ART3: variants seen among roughly 807,000 people sequenced by gnomAD.
ART3 encodes the protein ADP-ribosyltransferase 3 (inactive).
ART3 carries 49 observed loss-of-function variants against 48.5 expected under a neutral mutation model. The observed-to-expected ratio is 1.01, with a 90% CI of 0.80 to 1.28. ART3 has a LOEUF of 1.28. Among genes scored for constraint, ART3 ranks in the 50% most tolerant of loss-of-function variants. The pLI is 0.00. For missense variants in ART3, 438 were observed against 454.3 expected, an observed-to-expected ratio of 0.96 and a Z score of 0.33; for synonymous variants, 145 against 157.2, an observed-to-expected ratio of 0.92 and a Z score of 0.58.
chr4:76,086,940 T>G (rs537916744), intron 3 of ART3, among the ~76,000 whole-genome samples: 49 of 152,126 alleles, frequency 3.2e-4, no homozygotes, highest in Admixed American at 8.5e-4. Context: ...AACCAGGGTC[T>G]CCCTCCCTCC....
intron 1 of ART3, among the ~76,000 whole-genome samples, chr4:76,055,393 A>C (rs1718591456): frequency 6.6e-6 from 1 of 152,238 alleles, no homozygotes; most frequent in Non-Finnish European, 1.5e-5. Flanking sequence ...TTCTGTAAGA[A>C]GGGGCACTGT....
chr4:76,112,304 AC>A (rs1729644375), intron 11 of ART3, 81 bp from the exon 12 acceptor site: 11 of 1,470,510 alleles, frequency 7.5e-6, no homozygotes, highest in Non-Finnish European at 9.1e-6. Flanking sequence ...GTCATTGTTT[AC>A]ATATTCAGGA....
intron 3 of ART3, among the ~76,000 whole-genome samples, chr4:76,085,273 C>A (rs1723310279): frequency 6.6e-6 from 1 of 152,132 alleles, no homozygotes; most frequent in South Asian, 2.1e-4. Context: ...GTGGGATAGA[C>A]TTTTAGATCT....
chr4:76,051,933 C>T (rs1259970594), intron 1 of ART3, among the ~76,000 whole-genome samples: 64 of 109,938 alleles, frequency 5.8e-4, no homozygotes, highest in Admixed American at 8.2e-4. Context: ...GACAGAGTTT[C>T]GCTCTTGCTG....
intron 2 of ART3, among the ~76,000 whole-genome samples, chr4:76,077,986 T>G (rs1262957034): frequency 6.6e-6 from 1 of 152,256 alleles, no homozygotes; most frequent in East Asian, 1.9e-4. Flanking sequence ...TGTAATTGTT[T>G]CATGATTTGC....
intron 1 of ART3, among the ~76,000 whole-genome samples, chr4:76,027,500 C>A (rs1376193176): frequency 6.7e-6 from 1 of 150,310 alleles, no homozygotes; most frequent in Non-Finnish European, 1.5e-5. Context: ...GGAAGCCAAC[C>A]AACCAGTCAG....
intron 1 of ART3, among the ~76,000 whole-genome samples, chr4:76,068,362 T>C (rs1719949654): frequency 6.6e-6 from 1 of 152,200 alleles, no homozygotes; most frequent in Admixed American, 6.5e-5. Context: ...TTTATTGAGA[T>C]ACAATTCACA....
rs185363744 is a variant in ART3, at chr4:76,051,030, C to T, written c.-9-24851C>T. On this transcript the variant is annotated intron_variant, in intron 1 of 9. Transcript: ENST00000341029. ...CACGCGCAGCCCTGGTTCCCGCTGG[C>T]GCCTGTCCCTCCACACCTCCCTGCA... 8.5e-3 allele frequency among the ~76,000 whole-genome samples: 1,298 copies of T among 152,332 alleles called. 37 individuals carry two copies. Among genetic ancestry groups the T allele is most frequent in the Admixed American group, 0.058 (889 of 15,298 alleles).
chr4:76,090,985 T>G (rs142738731), intron 3 of ART3, among the ~76,000 whole-genome samples: 4 of 152,332 alleles, frequency 2.6e-5, no homozygotes, highest in African/African-American at 9.6e-5. Flanking sequence ...TGTCTAGAGT[T>G]TCATTCAAAT....
At chr4:76,107,699 T>C in intron 10 of ART3, 62 bp from the exon 11 acceptor site, 12 of 1,181,376 alleles carry the variant, frequency 1.0e-5, no homozygotes, top group Non-Finnish European at 1.3e-5. Flanking sequence ...TTTAATCAGA[T>C]CTTTCTTTTC....
chr4:76,090,648 CTTCTT>C lies in ART3; in HGVS notation c.782-6993_782-6989del, dbSNP rs1468615773. On this transcript the variant is annotated intron_variant, in intron 3 of 11. Transcript: ENST00000355810. ...TTTAACAAGTCAGGGATGTGGAGGG[CTTCTT>C]TTGGTAGGGAACTAGAGACCAGATC... Among the ~76,000 whole-genome samples the C allele has an allele frequency of 5.3e-5, 8 of 152,242 alleles. No homozygotes were observed. The East Asian group carries it at 1.3e-3, about 26-fold the overall frequency.
chr4:76,054,873 T>G (rs1415188305), intron 1 of ART3, among the ~76,000 whole-genome samples: 1 of 152,204 alleles, frequency 6.6e-6, no homozygotes, highest in East Asian at 1.9e-4. Context: ...TTTCTAAAAT[T>G]TTATACATTG....
chr4:76,022,605 A>G, intron 1 of ART3: 1 of 1,446,592 alleles, frequency 6.9e-7, no homozygotes, highest in Non-Finnish European at 9.2e-7. Context: ...CAAACCCTTT[A>G]CTGATCTTTT....
chr4:76,030,652 C>T (rs1354874276), intron 1 of ART3, among the ~76,000 whole-genome samples: 1 of 152,204 alleles, frequency 6.6e-6, no homozygotes, highest in Non-Finnish European at 1.5e-5. Context: ...ACACCTCCCC[C>T]AAACCCCAGT....
intron 1 of ART3, among the ~76,000 whole-genome samples, chr4:76,064,418 A>G (rs1318296127): frequency 6.6e-6 from 1 of 152,234 alleles, no homozygotes; most frequent in Non-Finnish European, 1.5e-5. Context: ...TGACATAAAA[A>G]TGTTTTGTTT....
intron 1 of ART3, among the ~76,000 whole-genome samples, chr4:76,029,636 G>T (rs1202799786): frequency 1.3e-5 from 2 of 152,268 alleles, no homozygotes; most frequent in East Asian, 3.9e-4. Context: ...ATATCATAAA[G>T]ATTTATAATT....
intron 2 of ART3, among the ~76,000 whole-genome samples, chr4:76,079,481 G>C (rs1396885274): frequency 6.6e-6 from 1 of 152,144 alleles, no homozygotes; most frequent in Non-Finnish European, 1.5e-5. Context: ...TTGATATATA[G>C]GACTGGCACT....
chr4:76,052,691 T>A (rs1736229075), intron 1 of ART3, among the ~76,000 whole-genome samples: 2 of 151,338 alleles, frequency 1.3e-5, no homozygotes, highest in Non-Finnish European at 2.9e-5. Flanking sequence ...AGTGAGAACA[T>A]GCGTGTACCC....
In ART3 at chr4:76,082,122, G is replaced by C. The variant is rs1443051842; in HGVS notation, c.368G>C (p.Gly123Ala). Reference sequence around the variant, plus strand: ...TTCAGTGAAGCTGTGAAGATGGCTGGCCAATCTCGAGAAGATTATATCTAT... The same window carrying C: ...TTCAGTGAAGCTGTGAAGATGGCTGCCCAATCTCGAGAAGATTATATCTAT... Reference protein sequence around the residue: ...HLFSEAVKMAGQSREDYIYGF... With the variant: ...HLFSEAVKMAAQSREDYIYGF... The change falls in exon 3 of 12, where the codon GGC (glycine) becomes GCC (alanine). Residue 123 changes from glycine to alanine, a missense_variant. Coordinates refer to ENST00000355810, the MANE Select transcript of ART3 (RefSeq NM_001130016.3). 1.2e-6 allele frequency: 2 copies of C among 1,614,170 alleles called. No individual in the cohort carries two copies. The highest frequency in any genetic ancestry group is 1.7e-5 in the Admixed American group (1 of 60,024).
Sources: gnomAD v4.1 joint callset for allele counts (sites outside exome capture counted in the v4.1 genomes callset) on GRCh38, gnomAD v4.1.1 for gene constraint, MANE v1.5 for transcripts, NCBI Gene and HGNC (gene_info 2026-07-23, HGNC 2026-07-21) for gene names.